Variants in NKAIN3 observed in about 807,000 individuals in gnomAD.
NKAIN3 encodes sodium/potassium-transporting ATPase subunit beta-1-interacting protein 3.
NKAIN3 carries 25 observed loss-of-function variants against 30.2 expected under a neutral mutation model. The ratio of observed to expected loss-of-function variants is 0.83; its 90% confidence interval spans 0.60 to 1.16. The LOEUF (loss-of-function observed/expected upper bound fraction) is 1.16, where lower values mean the gene tolerates loss of function less well. Ranked by LOEUF, NKAIN3 falls within the 50% of genes most tolerant of loss-of-function variation. The pLI is 0.00. For missense variants in NKAIN3, 225 were observed against 254.1 expected (o/e 0.89, Z 0.78); for synonymous variants, 91 against 89.6 (o/e 1.02, Z -0.09).
At chr8:62,861,663 TG>T (rs1280826044) in intron 4 of NKAIN3, among the ~76,000 whole-genome samples, 4 of 152,240 alleles carry the variant, frequency 2.6e-5, no homozygotes, top group Non-Finnish European at 4.4e-5. Flanking sequence ...CCTGAGCTAT[TG>T]ATCTTCTGCC....
intron 2 of NKAIN3, among the ~76,000 whole-genome samples, chr8:62,588,036 G>T (rs139154649): frequency 5.3e-4 from 80 of 151,988 alleles, no homozygotes; most frequent in Admixed American, 1.2e-3. Context: ...AATTAATTTA[G>T]TTTATTGCCT....
intron 1 of NKAIN3, among the ~76,000 whole-genome samples, chr8:62,367,681 A>G (rs4738961): frequency 0.97 from 147,498 of 152,164 alleles, 71,545 homozygotes; most frequent in East Asian, 1. Flanking sequence ...TTATGCACAA[A>G]GCAAGGATAC....
chr8:62,494,814 T>A (rs530694088), intron 1 of NKAIN3, among the ~76,000 whole-genome samples: 3 of 152,270 alleles, frequency 2.0e-5, no homozygotes, highest in African/African-American at 2.4e-5. Context: ...TTCATAGTAG[T>A]CTCTGATGGT....
At chr8:62,570,990 CT>C (rs1809917746) in intron 1 of NKAIN3, among the ~76,000 whole-genome samples, 1 of 152,008 alleles carries the variant, frequency 6.6e-6, no homozygotes, top group Admixed American at 6.6e-5. Context: ...AGTCTCTAGC[CT>C]ACGAATTCAT....
intron 4 of NKAIN3, among the ~76,000 whole-genome samples, chr8:62,762,772 A>G (rs914002804): frequency 6.6e-6 from 1 of 152,214 alleles, no homozygotes; most frequent in Non-Finnish European, 1.5e-5. Context: ...GATCTGAGCA[A>G]CAGGATAGAT....
chr8:62,420,807 A>C (rs1359022568), intron 1 of NKAIN3, among the ~76,000 whole-genome samples: 2 of 152,202 alleles, frequency 1.3e-5, no homozygotes, highest in Admixed American at 1.3e-4. Context: ...CAAATCATAA[A>C]TTAGTTTAAA....
chr8:62,877,513 G>A (rs1382522764), intron 4 of NKAIN3, among the ~76,000 whole-genome samples: 1 of 152,192 alleles, frequency 6.6e-6, no homozygotes, highest in African/African-American at 2.4e-5. Flanking sequence ...GAGCCTGCCA[G>A]ATAATGACTT....
intron 4 of NKAIN3, among the ~76,000 whole-genome samples, chr8:62,879,721 C>A (rs1216632992): frequency 6.6e-6 from 1 of 152,140 alleles, no homozygotes; most frequent in African/African-American, 2.4e-5. Context: ...GACTGTTCCC[C>A]AGGAAGGTCA....
At chr8:62,723,314 AC>A (rs374181751) in intron 3 of NKAIN3, among the ~76,000 whole-genome samples, 4 of 152,190 alleles carry the variant, frequency 2.6e-5, no homozygotes, top group East Asian at 1.9e-4. Context: ...AAACACACAC[AC>A]AAAAAATTGT....
At chr8:62,931,506 C>T (rs374410488) in intron 5 of NKAIN3, among the ~76,000 whole-genome samples, 12 of 152,248 alleles carry the variant, frequency 7.9e-5, no homozygotes, top group African/African-American at 2.6e-4. Context: ...TTTGTTTTCT[C>T]TATAGTTAAT....
At chr8:62,589,883 G>GTGTGTT (rs1810598462) in intron 3 of NKAIN3, 89 bp downstream of exon 3, 6 of 95,334 alleles carry the variant, frequency 6.3e-5, no homozygotes, top group Non-Finnish European at 1.3e-4. Flanking sequence ...TATTGTGTGT[G>GTGTGTT]TGTGTGTGTG....
At chr8:62,281,784 C>T (rs749218680) in intron 1 of NKAIN3, among the ~76,000 whole-genome samples, 3 of 152,088 alleles carry the variant, frequency 2.0e-5, no homozygotes, top group Non-Finnish European at 4.4e-5. Flanking sequence ...GCATGTTTGT[C>T]ATCCAGATAT....
chr8:62,277,160 T>C (rs1254206416), intron 1 of NKAIN3, among the ~76,000 whole-genome samples: 1 of 152,204 alleles, frequency 6.6e-6, no homozygotes, highest in African/African-American at 2.4e-5. Flanking sequence ...AATAAAAATT[T>C]GTTATTACAG....
chr8:62,993,188 T>C (rs188788705), intron 5 of NKAIN3, among the ~76,000 whole-genome samples: 1 of 152,108 alleles, frequency 6.6e-6, no homozygotes, highest in African/African-American at 2.4e-5. Context: ...AACATAATCA[T>C]AGTATCCCAC....
At chr8:62,994,573 T>C (rs1804057778) in intron 5 of NKAIN3, among the ~76,000 whole-genome samples, 1 of 152,242 alleles carries the variant, frequency 6.6e-6, no homozygotes. Flanking sequence ...CATTCATTCA[T>C]TCATTCATTA....
intron 3 of NKAIN3, among the ~76,000 whole-genome samples, chr8:62,635,906 A>C (rs189091530): frequency 1.3e-5 from 2 of 152,320 alleles, no homozygotes; most frequent in East Asian, 3.9e-4. Flanking sequence ...GAATTTTAGC[A>C]GAAGCCTTAC....
At chr8:62,757,409 G>A (rs984141661) in intron 4 of NKAIN3, among the ~76,000 whole-genome samples, 8 of 151,926 alleles carry the variant, frequency 5.3e-5, no homozygotes, top group East Asian at 3.9e-4. Flanking sequence ...TTCATTCAGC[G>A]AAACATATTC....
chr8:62,294,875 T>C (rs1243713313), intron 1 of NKAIN3, among the ~76,000 whole-genome samples: 2 of 152,150 alleles, frequency 1.3e-5, no homozygotes, highest in Non-Finnish European at 2.9e-5. Context: ...AGTAATTACC[T>C]ACATAGTTCA....
chr8:62,488,483 C>A (rs1278727559), intron 1 of NKAIN3, among the ~76,000 whole-genome samples: 1 of 152,096 alleles, frequency 6.6e-6, no homozygotes, highest in Non-Finnish European at 1.5e-5. Context: ...AAAATCCTTT[C>A]TTTTTCATCT....
Sources: gnomAD v4.1 joint callset for allele counts (sites outside exome capture counted in the v4.1 genomes callset) on GRCh38, gnomAD v4.1.1 for gene constraint, MANE v1.5 for transcripts, NCBI Gene and HGNC (gene_info 2026-07-23, HGNC 2026-07-21) for gene names.